PTPRN2: variants seen among roughly 807,000 people sequenced by gnomAD.
PTPRN2 encodes receptor-type tyrosine-protein phosphatase N2.
A neutral mutation model predicts 118.8 loss-of-function variants in PTPRN2; 74 were observed. The ratio of observed to expected loss-of-function variants is 0.62; its 90% CI spans 0.52 to 0.76. The LOEUF (loss-of-function observed/expected upper bound fraction) is 0.76, where lower values mean the gene tolerates loss of function less well. Among genes scored for constraint, PTPRN2 ranks in the 30% least tolerant of loss-of-function variants. The pLI is 0.00. For missense variants in PTPRN2, 1,481 were observed against 1,394.4 expected (o/e 1.06, Z -0.99); for synonymous variants, 641 against 608.0 (o/e 1.05, Z -0.80).
intron 2 of PTPRN2, among the ~76,000 whole-genome samples, chr7:158,344,938 G>A (rs553893759): frequency 1.3e-5 from 2 of 152,318 alleles, no homozygotes; most frequent in Non-Finnish European, 1.5e-5. Context: ...GCTGATGGAC[G>A]ATACCCAAAA....
At chr7:158,102,249 G>A (rs1176608668) in intron 10 of PTPRN2, among the ~76,000 whole-genome samples, 1 of 152,204 alleles carries the variant, frequency 6.6e-6, no homozygotes, top group Non-Finnish European at 1.5e-5. Context: ...TCCACGTGCT[G>A]GACAGCCACC....
chr7:158,385,292 A>G (rs1321083750), intron 2 of PTPRN2, among the ~76,000 whole-genome samples: 16 of 107,640 alleles, frequency 1.5e-4, no homozygotes. Context: ...TTAAGGCAAG[A>G]AAGACACCAC....
At chr7:158,467,399 T>C (rs932820655) in intron 2 of PTPRN2, among the ~76,000 whole-genome samples, 9 of 152,310 alleles carry the variant, frequency 5.9e-5, no homozygotes, top group African/African-American at 2.2e-4. Flanking sequence ...TCTCCCGCCC[T>C]GTAGGCTGCC....
chr7:157,675,973 G>A (rs559628439), intron 13 of PTPRN2, among the ~76,000 whole-genome samples: 6 of 152,268 alleles, frequency 3.9e-5, no homozygotes, highest in African/African-American at 9.6e-5. Context: ...AGGAAGAAAC[G>A]GAGGGGGGTG....
chr7:158,090,821 T>C (rs1286974350), intron 10 of PTPRN2, among the ~76,000 whole-genome samples: 1 of 152,226 alleles, frequency 6.6e-6, no homozygotes, highest in East Asian at 1.9e-4. Flanking sequence ...AAAATACATA[T>C]AATTATCTGC....
chr7:157,700,112 G>A (rs373783483), intron 12 of PTPRN2, among the ~76,000 whole-genome samples: 52 of 152,272 alleles, frequency 3.4e-4, no homozygotes, highest in African/African-American at 1.2e-3. Context: ...TATGCCCAAA[G>A]AAAACCAGAA....
intron 12 of PTPRN2, among the ~76,000 whole-genome samples, chr7:157,821,306 A>C (rs1806824568): frequency 6.6e-6 from 1 of 152,138 alleles, no homozygotes; most frequent in African/African-American, 2.4e-5. Flanking sequence ...TAAAGACATA[A>C]CTCTAGGATC....
chr7:158,484,793 G>A (rs1166774371), intron 2 of PTPRN2, among the ~76,000 whole-genome samples: 1 of 152,258 alleles, frequency 6.6e-6, no homozygotes, highest in Non-Finnish European at 1.5e-5. Flanking sequence ...TTCCACGGCC[G>A]GACAGCACTC....
At position 158,479,974 on chromosome 7, in the gene PTPRN2, G is replaced by A. The variant is rs1379030589; in HGVS notation, c.163+9761C>T. Among the ~76,000 whole-genome samples, 5 of 152,218 alleles carry A rather than the reference G, an allele frequency of 3.3e-5. 1 individual carries two copies. The highest frequency in any genetic ancestry group is 1.2e-4 in the African/African-American group (5 of 41,454). ...CAACTGAGCCACTGGTTCTCTACTT[G>A]GCAGGAATTTCCCAATTGGGATTCT... On this transcript the variant is annotated intron_variant, in intron 2 of 22. Transcript: ENST00000389418.
chr7:157,776,396 CAT>C (rs1803255302), intron 12 of PTPRN2, among the ~76,000 whole-genome samples: 1 of 80,970 alleles, frequency 1.2e-5, no homozygotes, highest in Non-Finnish European at 2.8e-5. Flanking sequence ...CCTCCTCCTC[CAT>C]CTCCTCCTCC....
At chr7:158,488,082 G>T (rs903469138) in intron 2 of PTPRN2, among the ~76,000 whole-genome samples, 10 of 152,214 alleles carry the variant, frequency 6.6e-5, no homozygotes, top group African/African-American at 2.4e-4. Context: ...AAGGAGCCGG[G>T]GAGACAGCCT....
intron 12 of PTPRN2, among the ~76,000 whole-genome samples, chr7:157,744,450 A>G (rs2150967994): frequency 6.6e-6 from 1 of 152,288 alleles, no homozygotes; most frequent in South Asian, 2.1e-4. Flanking sequence ...TCCATTACAC[A>G]ACGATGGAAT....
At chr7:157,898,384 A>G (rs1270811296) in intron 12 of PTPRN2, among the ~76,000 whole-genome samples, 1 of 152,200 alleles carries the variant, frequency 6.6e-6, no homozygotes, top group Non-Finnish European at 1.5e-5. Flanking sequence ...GGAAGGAAGC[A>G]CCTATTTTCT....
At chr7:157,685,361 C>A (rs998979429) in intron 12 of PTPRN2, among the ~76,000 whole-genome samples, 11 of 152,050 alleles carry the variant, frequency 7.2e-5, no homozygotes, top group Admixed American at 2.6e-4. Flanking sequence ...GAGGCCCACA[C>A]GCGCGCGGTG....
intron 2 of PTPRN2, among the ~76,000 whole-genome samples, chr7:158,440,838 GGC>G: frequency 7.0e-6 from 1 of 143,520 alleles, no homozygotes; most frequent in Admixed American, 6.9e-5. Context: ...TGGTGGTGAT[GGC>G]AGTGACGGGG....
intron 12 of PTPRN2, among the ~76,000 whole-genome samples, chr7:157,842,793 C>T (rs944299459): frequency 6.6e-5 from 10 of 152,262 alleles, no homozygotes; most frequent in Admixed American, 1.3e-4. Context: ...ATGGAATCTC[C>T]AAGGAACTTC....
At chr7:158,157,405 G>A (rs558420505) in intron 6 of PTPRN2, among the ~76,000 whole-genome samples, 1 of 152,370 alleles carries the variant, frequency 6.6e-6, no homozygotes, top group Admixed American at 6.5e-5. Context: ...GACCTCAGAG[G>A]TGTTTAAGCA....
intron 2 of PTPRN2, among the ~76,000 whole-genome samples, chr7:158,464,539 C>T (rs973608096): frequency 6.6e-6 from 1 of 151,084 alleles, no homozygotes; most frequent in African/African-American, 2.4e-5. Flanking sequence ...TTACCATCGC[C>T]ATCATTGCCA....
intron 11 of PTPRN2, among the ~76,000 whole-genome samples, chr7:157,904,609 T>G (rs1797659248): frequency 6.6e-6 from 1 of 152,252 alleles, no homozygotes; most frequent in Admixed American, 6.5e-5. Context: ...TGAGTGCTTT[T>G]CGGGGGCGTC....
Sources: gnomAD v4.1 joint callset for allele counts (sites outside exome capture counted in the v4.1 genomes callset) on GRCh38, gnomAD v4.1.1 for gene constraint, MANE v1.5 for transcripts, NCBI Gene and HGNC (gene_info 2026-07-23, HGNC 2026-07-21) for gene names.